Variants in CIBAR1 observed in about 807,000 individuals in gnomAD.
CIBAR1 encodes CBY1 interacting BAR domain containing 1, also known as CBY1-interacting BAR domain-containing protein 1.
In CIBAR1, 25 loss-of-function variants were observed where a neutral mutation model predicts 44.0. The ratio of observed to expected loss-of-function variants is 0.57; its 90% CI spans 0.41 to 0.79. The LOEUF (loss-of-function observed/expected upper bound fraction) is 0.79, where lower values mean the gene tolerates loss of function less well. Among genes scored for constraint, CIBAR1 ranks in the 30% least tolerant of loss-of-function variants. The pLI, the probability that CIBAR1 is intolerant of heterozygous loss-of-function variation, is 0.00. For missense variants in CIBAR1, 278 were observed against 344.8 expected (o/e 0.81, Z 1.53); for synonymous variants, 115 against 119.0 (o/e 0.97, Z 0.22).
chr8:93,714,331 T>G (rs998160710), intron 6 of CIBAR1, among the ~76,000 whole-genome samples: 3 of 152,210 alleles, frequency 2.0e-5, no homozygotes, highest in Non-Finnish European at 2.9e-5. Context: ...TTGCCAAACT[T>G]GATTATTAGT....
At chr8:93,720,408 C>T (rs1356365775) in intron 7 of CIBAR1, among the ~76,000 whole-genome samples, 1 of 152,190 alleles carries the variant, frequency 6.6e-6, no homozygotes, top group African/African-American at 2.4e-5. Flanking sequence ...GTACATATTA[C>T]AGTATGTGTA....
Position 93,709,888 on chromosome 8 carries a change from C to T in CIBAR1, c.543+13C>T. The T allele has an allele frequency of 6.4e-7, 1 of 1,561,810 alleles. No individual in the cohort carries two copies. The highest frequency in any genetic ancestry group is 8.8e-7 in the Non-Finnish European group (1 of 1,139,336). ...GAAGGATATAAAGGTAATAAAGTAACTGTTAGGGTTCAAAACATGTTTTTA... is the reference window on the plus strand; with the variant it reads ...GAAGGATATAAAGGTAATAAAGTAATTGTTAGGGTTCAAAACATGTTTTTA... On this transcript the variant is annotated intron_variant, in intron 6 of 8. Transcript: ENST00000518322.
intron 8 of CIBAR1, chr8:93,727,162 T>G: frequency 1.6e-6 from 2 of 1,288,644 alleles, no homozygotes; most frequent in Non-Finnish European, 2.0e-6. Flanking sequence ...TGCCAAACCC[T>G]GATCTAGAGA....
At chr8:93,702,440 T>C in intron 2 of CIBAR1, 1 of 440,642 alleles carries the variant, frequency 2.3e-6, no homozygotes, top group South Asian at 1.6e-5. Flanking sequence ...TAGAAAACCT[T>C]TGTGCTATTT....
At chr8:93,707,091 T>C (rs2130300419) in intron 4 of CIBAR1, 4 of 229,964 alleles carry the variant, frequency 1.7e-5, no homozygotes, top group Middle Eastern at 2.9e-3. Context: ...CTTTTAAAAA[T>C]CATTTTGAAC....
rs1810975050 is a variant in CIBAR1 at position 93,714,723 on chromosome 8, A to G, written c.544-3952A>G. 4.6e-5 allele frequency among the ~76,000 whole-genome samples: 7 copies of G among 151,996 alleles called. No homozygotes were observed. The South Asian group carries it at 1.2e-3, about 27-fold the overall frequency. On this transcript the variant is annotated intron_variant, in intron 6 of 8. Coordinates refer to ENST00000518322, the MANE Select transcript of CIBAR1 (RefSeq NM_145269.5). ...TGTCTCAAACTCCTGGGCTCAAGCA[A>G]TCCTCCCACCTCAACCTCCCCAGGT...
rs1055761280 is a variant in CIBAR1, at chr8:93,731,398, T to G, written c.*3101T>G. 2.0e-5 allele frequency: 3 copies of G among 152,224 alleles called. No homozygotes were observed. Among genetic ancestry groups the G allele is most frequent in the Non-Finnish European group, 4.4e-5 (3 of 68,050 alleles). The allele number at this position is 152,224 out of a possible 1,614,324, so 9.4% of individuals were successfully genotyped here. On this transcript the variant is annotated 3_prime_UTR_variant, in exon 9 of 9. Coordinates refer to ENST00000518322, the MANE Select transcript of CIBAR1 (RefSeq NM_145269.5). ...TCTTTGCTCAATTAAAAATATCATT[T>G]CTACTTTCTTCATTGTGCTTGGTTT... is the stretch of plus-strand genomic sequence containing the variant.
intron 8 of CIBAR1, among the ~76,000 whole-genome samples, chr8:93,727,660 C>T (rs1811584872): frequency 6.6e-6 from 1 of 152,214 alleles, no homozygotes; most frequent in Non-Finnish European, 1.5e-5. Flanking sequence ...TGACAAACAA[C>T]AGTGTCTCTA....
rs116287465 is a variant in CIBAR1 at position 93,706,608 on chromosome 8, A to G, written c.433-1403A>G. On this transcript the variant is annotated intron_variant, in intron 4 of 8. Transcript: ENST00000518322. ...CAGAAATGAATCTATTCCTAAGACA[A>G]ACATTTTTCTGACTTGGATGCTGTG... Among the ~76,000 whole-genome samples, 454 of 152,302 alleles carry G rather than the reference A, an allele frequency of 3.0e-3. 2 individuals are homozygous for G. The highest frequency in any genetic ancestry group is 0.01 in the African/African-American group (421 of 41,562).
chr8:93,728,351 T>G lies in CIBAR1; in HGVS notation c.*54T>G. 2 of 1,187,320 alleles carry G rather than the reference T, an allele frequency of 1.7e-6. No homozygotes were observed. The highest frequency in any genetic ancestry group is 2.8e-5 in the South Asian group (2 of 71,448). The allele number at this position is 1,187,320 out of a possible 1,614,324, so 73.5% of individuals were successfully genotyped here. ...GACTTGAAATCCACAATGACTAAAT[T>G]GTAGAACTTTATACTCACTTTGCTA... On this transcript the variant is annotated 3_prime_UTR_variant, in exon 9 of 9. Transcript: ENST00000518322.
chr8:93,724,653 A>G, intron 7 of CIBAR1: 1 of 1,181,528 alleles, frequency 8.5e-7, no homozygotes, highest in Non-Finnish European at 1.1e-6. Flanking sequence ...GTAAAAGATA[A>G]TGTCTTTCAT....
intron 7 of CIBAR1, chr8:93,719,926 GAAGTGTCTACCA>G (rs1811184843): frequency 6.6e-6 from 1 of 151,500 alleles, no homozygotes; most frequent in Admixed American, 6.6e-5. Context: ...ATAAAATATG[GAAGTGTCTACCA>G]CTTAACAAAT....
chr8:93,705,069 T>C, intron 4 of CIBAR1, 59 bp downstream of exon 4: 2 of 1,090,694 alleles, frequency 1.8e-6, no homozygotes, highest in Non-Finnish European at 1.4e-6. Flanking sequence ...CAAAAGTAAA[T>C]GTATATAGAA....
chr8:93,725,699 T>G (rs1563651937), intron 7 of CIBAR1: 3 of 151,958 alleles, frequency 2.0e-5, no homozygotes, highest in South Asian at 2.1e-4. Flanking sequence ...GAAGTTTTGG[T>G]TAAAGGAAAA....
At chr8:93,702,272 C>T in intron 2 of CIBAR1, 1 of 422,054 alleles carries the variant, frequency 2.4e-6, no homozygotes, top group Non-Finnish European at 4.8e-6. Flanking sequence ...TTTGGAGGTA[C>T]TTTTGGAAAA....
intron 4 of CIBAR1, chr8:93,706,230 G>T (rs1440555998): frequency 6.6e-6 from 1 of 152,214 alleles, no homozygotes; most frequent in Admixed American, 6.5e-5. Flanking sequence ...AAACAAAAAT[G>T]GGCAGCCATA....
intron 8 of CIBAR1, among the ~76,000 whole-genome samples, chr8:93,727,822 A>C (rs931945728): frequency 1.9e-4 from 29 of 152,188 alleles, no homozygotes; most frequent in Admixed American, 1.7e-3. Context: ...TTACATCAGT[A>C]TTTCTGTCCC....
Position 93,727,218 on chromosome 8 carries a change from A to C in CIBAR1, c.777+705A>C, listed in dbSNP as rs757512778. On this transcript the variant is annotated intron_variant, in intron 8 of 8. Coordinates refer to ENST00000518322, the MANE Select transcript of CIBAR1 (RefSeq NM_145269.5). ...AGCCTTCAGAATATAAAATTCAACAAACTTATTTTCAAGATACAACTTTTA... is the reference window on the plus strand; with the variant it reads ...AGCCTTCAGAATATAAAATTCAACACACTTATTTTCAAGATACAACTTTTA... 1.6e-5 allele frequency: 20 copies of C among 1,278,114 alleles called. No homozygotes were observed. In the South Asian group the frequency reaches 1.7e-4, roughly 11 times the overall value. 79.2% of individuals were successfully genotyped at this position (1,278,114 alleles called of 1,614,324 possible).
intron 2 of CIBAR1, chr8:93,702,397 C>T (rs1397077486): frequency 2.6e-6 from 1 of 391,556 alleles, no homozygotes; most frequent in Non-Finnish European, 5.1e-6. Context: ...ATCCTAAAAT[C>T]TTATTTTAGC....
Sources: gnomAD v4.1 joint callset for allele counts (sites outside exome capture counted in the v4.1 genomes callset) on GRCh38, gnomAD v4.1.1 for gene constraint, MANE v1.5 for transcripts, NCBI Gene and HGNC (gene_info 2026-07-23, HGNC 2026-07-21) for gene names.